The following PAK3 variants were observed in gnomAD, a reference collection of about 807,000 sequenced individuals.
PAK3 encodes the protein p21 (RAC1) activated kinase 3, also known as serine/threonine-protein kinase PAK 3.
A neutral mutation model predicts 41.0 loss-of-function variants in PAK3; 4 were observed. The ratio of observed to expected loss-of-function variants is 0.10; its 90% CI spans 0.05 to 0.22. The LOEUF is 0.22. PAK3 is among the 10% of genes least tolerant of loss of function. PAK3 has a pLI of 1.00. For synonymous variants in PAK3, 146 were observed against 139.6 expected, an observed-to-expected ratio of 1.05 and a Z score of -0.32; for missense variants, 205 against 409.9, an observed-to-expected ratio of 0.50 and a Z score of 4.32.
intron 1 of PAK3, among the ~76,000 whole-genome samples, chrX:111,090,863 T>C (rs770841876): frequency 6.2e-5 from 7 of 112,616 alleles, no homozygotes; most frequent in Non-Finnish European, 1.3e-4. Flanking sequence ...CTCTTTTTCC[T>C]TCTTAGTAAA....
chrX:111,131,565 AT>A (rs202058513), intron 5 of PAK3, among the ~76,000 whole-genome samples: 60 of 111,100 alleles, frequency 5.4e-4, no homozygotes, highest in African/African-American at 1.7e-3. Flanking sequence ...AAAAAAAAAA[AT>A]AAATTTGTAG....
intron 1 of PAK3, among the ~76,000 whole-genome samples, chrX:111,024,412 C>A (rs995694038): frequency 9.0e-6 from 1 of 111,318 alleles, no homozygotes; most frequent in Non-Finnish European, 1.9e-5. Context: ...TAAAGTAGTT[C>A]TTTCCAATTC....
At chrX:111,016,981 T>A (rs1305334971) in intron 1 of PAK3, among the ~76,000 whole-genome samples, 1 of 111,473 alleles carries the variant, frequency 9.0e-6, no homozygotes, top group African/African-American at 3.3e-5. Flanking sequence ...TAGTCCCTGC[T>A]TTGGGCTGGA....
At chrX:111,120,387 C>A (rs2093548518) in intron 4 of PAK3, among the ~76,000 whole-genome samples, 1 of 111,584 alleles carries the variant, frequency 9.0e-6, no homozygotes, top group Non-Finnish European at 1.9e-5. Flanking sequence ...AATCAGGCAG[C>A]CTGAAAGGAA....
At chrX:111,001,494 T>C (rs2091848075) in intron 1 of PAK3, among the ~76,000 whole-genome samples, 1 of 112,482 alleles carries the variant, frequency 8.9e-6, no homozygotes, top group African/African-American at 3.2e-5. Flanking sequence ...GATTTTGTGC[T>C]GTGTAAAATC....
intron 1 of PAK3, among the ~76,000 whole-genome samples, chrX:111,079,542 C>T (rs917979773): frequency 4.5e-5 from 5 of 112,049 alleles, no homozygotes; most frequent in African/African-American, 1.6e-4. Flanking sequence ...TGACAATACA[C>T]CTGGTCACTC....
chrX:111,055,100 A>G (rs780729050), intron 1 of PAK3, among the ~76,000 whole-genome samples: 2 of 111,831 alleles, frequency 1.8e-5, no homozygotes, highest in African/African-American at 6.5e-5. Context: ...TACACCAACC[A>G]CTAGACCACA....
intron 1 of PAK3, among the ~76,000 whole-genome samples, chrX:110,968,801 G>A (rs983725041): frequency 4.1e-4 from 46 of 110,931 alleles, no homozygotes; most frequent in African/African-American, 1.3e-3. Flanking sequence ...TCTGTTAACA[G>A]GGTCTTTCAT....
At chrX:111,090,606 G>A (rs771124947) in intron 1 of PAK3, among the ~76,000 whole-genome samples, 1 of 111,412 alleles carries the variant, frequency 9.0e-6, no homozygotes, top group African/African-American at 3.3e-5. Flanking sequence ...ATCAGGAGCA[G>A]ACACTGCCCA....
intron 1 of PAK3, among the ~76,000 whole-genome samples, chrX:110,958,061 T>G (rs1200439824): frequency 1.8e-5 from 2 of 111,866 alleles, no homozygotes; most frequent in Non-Finnish European, 3.8e-5. Flanking sequence ...AAGGCCCTTC[T>G]AGGGGAAATG....
intron 6 of PAK3, chrX:111,144,970 G>A: frequency 1.4e-6 from 1 of 733,857 alleles, no homozygotes; most frequent in East Asian, 3.5e-5. Context: ...TAAATGCTTG[G>A]CCTGTTATAT....
intron 11 of PAK3, among the ~76,000 whole-genome samples, chrX:111,177,809 C>T (rs1315483073): frequency 8.9e-6 from 1 of 111,959 alleles, no homozygotes; most frequent in African/African-American, 3.2e-5. Flanking sequence ...ATGTTGGCAG[C>T]TGTCCTCACA....
intron 1 of PAK3, among the ~76,000 whole-genome samples, chrX:111,050,244 C>A (rs1399679991): frequency 9.0e-6 from 1 of 111,150 alleles, no homozygotes; most frequent in Non-Finnish European, 1.9e-5. Context: ...GAGGAAGCAC[C>A]GTGATCCTTT....
intron 1 of PAK3, among the ~76,000 whole-genome samples, chrX:111,038,155 C>A (rs1046025096): frequency 1.8e-5 from 2 of 111,936 alleles, no homozygotes; most frequent in Non-Finnish European, 3.8e-5. Flanking sequence ...AATAAATAAG[C>A]ACTCATTTAA....
chrX:111,211,771 T>C (rs1386564012), intron 16 of PAK3, among the ~76,000 whole-genome samples: 1 of 110,940 alleles, frequency 9.0e-6, no homozygotes, highest in Non-Finnish European at 1.9e-5. Flanking sequence ...TTAACTGCTC[T>C]TAAGAGGAAT....
intron 1 of PAK3, among the ~76,000 whole-genome samples, chrX:110,963,495 G>A (rs374630915): frequency 6.8e-4 from 76 of 112,137 alleles, no homozygotes; most frequent in African/African-American, 2.4e-3. Context: ...TGGTTCCCAG[G>A]CCCATGCTAT....
chrX:111,198,604 A>G (rs764531108), intron 16 of PAK3, among the ~76,000 whole-genome samples: 2 of 111,389 alleles, frequency 1.8e-5, no homozygotes, highest in Non-Finnish European at 3.8e-5. Flanking sequence ...ACTGTTTATT[A>G]TTGTTGACTT....
At chrX:111,168,490 TACTTGCCTA>T (rs1192419049) in intron 10 of PAK3, among the ~76,000 whole-genome samples, 1 of 111,852 alleles carries the variant, frequency 8.9e-6, no homozygotes, top group African/African-American at 3.2e-5. Flanking sequence ...GCCTCTAGTA[TACTTGCCTA>T]ACATCAGTAG....
intron 10 of PAK3, among the ~76,000 whole-genome samples, chrX:111,172,349 A>G (rs776717359): frequency 9.0e-6 from 1 of 111,699 alleles, no homozygotes; most frequent in South Asian, 3.7e-4. Context: ...TTTGTATTTT[A>G]TAACTTCAAC....
Sources: gnomAD v4.1 joint callset for allele counts (sites outside exome capture counted in the v4.1 genomes callset) on GRCh38, gnomAD v4.1.1 for gene constraint, MANE v1.5 for transcripts, NCBI Gene and HGNC (gene_info 2026-07-23, HGNC 2026-07-21) for gene names.